GPC5: variants seen among roughly 807,000 people sequenced by gnomAD.
GPC5 encodes glypican 5.
In GPC5, 47 loss-of-function variants were observed where a neutral mutation model predicts 53.9. The observed-to-expected ratio is 0.87, with a 90% CI of 0.69 to 1.11. The LOEUF is 1.11. Among genes scored for constraint, GPC5 ranks in the 50% most tolerant of loss-of-function variants. The pLI, the probability that GPC5 is intolerant of heterozygous loss-of-function variation, is 0.00. For missense variants in GPC5, 748 were observed against 713.1 expected, an observed-to-expected ratio of 1.05 and a Z score of -0.56; for synonymous variants, 286 against 263.3, an observed-to-expected ratio of 1.09 and a Z score of -0.84.
rs113993461 is a variant in GPC5, at chr13:92,249,696, G to A, written c.1561+104707G>A. On this transcript the variant is annotated intron_variant, in intron 7 of 7. Coordinates refer to ENST00000377067, the MANE Select transcript of GPC5 (RefSeq NM_004466.6). ...AGTATATTTGAGTTAGTGGCAGAAT[G>A]TAGACATGAGGGTGAGTAGAGAATG... 6.2e-3 allele frequency among the ~76,000 whole-genome samples: 938 copies of A among 152,188 alleles called. 12 individuals carry two copies. The highest frequency in any genetic ancestry group is 0.01 in the Non-Finnish European group (697 of 68,018).
intron 7 of GPC5, among the ~76,000 whole-genome samples, chr13:92,704,991 G>A (rs1887902409): frequency 1.3e-5 from 2 of 150,854 alleles, no homozygotes; most frequent in East Asian, 2.0e-4. Context: ...TAATGATCTC[G>A]ATGTGTAGGG....
chr13:92,385,435 T>C lies in GPC5; in HGVS notation c.1561+240446T>C, dbSNP rs866612645. On this transcript the variant is annotated intron_variant, in intron 7 of 7. Transcript: ENST00000377067. Reference sequence around the variant, plus strand: ...ACATATATATACATATATACATATATACATATATACATATATACATATATA... The same window carrying C: ...ACATATATATACATATATACATATACACATATATACATATATACATATATA... 1.1e-3 allele frequency among the ~76,000 whole-genome samples: 91 copies of C among 81,610 alleles called. 3 individuals are homozygous for C. Among genetic ancestry groups the C allele is most frequent in the Middle Eastern group, 6.8e-3 (1 of 146 alleles). The allele number at this position is 81,610 out of a possible 152,430, so 53.5% of individuals were successfully genotyped here.
intron 7 of GPC5, among the ~76,000 whole-genome samples, chr13:92,393,649 A>T (rs952615059): frequency 3.9e-5 from 6 of 152,172 alleles, no homozygotes; most frequent in Non-Finnish European, 7.4e-5. Context: ...ACTGTGCATG[A>T]AAGAAAACAA....
chr13:91,566,225 T>C (rs2031520203), intron 2 of GPC5, among the ~76,000 whole-genome samples: 1 of 152,124 alleles, frequency 6.6e-6, no homozygotes, highest in Admixed American at 6.6e-5. Flanking sequence ...GGAAACTATG[T>C]CTAAAATATT....
intron 5 of GPC5, among the ~76,000 whole-genome samples, chr13:91,795,264 A>G (rs2038028571): frequency 6.6e-6 from 1 of 152,214 alleles, no homozygotes; most frequent in Admixed American, 6.5e-5. Flanking sequence ...AAATGTGTAT[A>G]TTGGTTCATA....
Position 92,000,749 on chromosome 13 carries a change from T to G in GPC5, c.1401+92692T>G, listed in dbSNP as rs9589398. ...CTGGCAGGTAGCAGGCATAATAAGC[T>G]GTGGGATTTCTTGGTATTTAGCATG... On this transcript the variant is annotated intron_variant, in intron 6 of 7. Coordinates refer to ENST00000377067, the MANE Select transcript of GPC5 (RefSeq NM_004466.6). 4.1e-3 allele frequency among the ~76,000 whole-genome samples: 628 copies of G among 152,294 alleles called. 7 individuals are homozygous for G. The highest frequency in any genetic ancestry group is 0.014 in the African/African-American group (591 of 41,564).
chr13:92,417,187 C>T (rs9516078), intron 7 of GPC5, among the ~76,000 whole-genome samples: 57,657 of 152,068 alleles, frequency 0.38, 11,269 homozygotes, highest in Non-Finnish European at 0.42. Context: ...AGGCAAAAGA[C>T]CTGAATTTTT....
At chr13:92,753,759 C>A (rs138026569) in intron 7 of GPC5, among the ~76,000 whole-genome samples, 1 of 151,008 alleles carries the variant, frequency 6.6e-6, no homozygotes, top group Non-Finnish European at 1.5e-5. Flanking sequence ...TGAAATGAAG[C>A]GAGAAGGGAA....
chr13:91,752,746 C>T (rs555915054), intron 4 of GPC5, among the ~76,000 whole-genome samples: 1 of 152,280 alleles, frequency 6.6e-6, no homozygotes, highest in South Asian at 2.1e-4. Flanking sequence ...GGTCTCACGT[C>T]ACATGTCCAG....
chr13:91,933,470 A>G (rs1299843314), intron 6 of GPC5, among the ~76,000 whole-genome samples: 3 of 152,010 alleles, frequency 2.0e-5, no homozygotes, highest in African/African-American at 7.2e-5. Context: ...CCATTTTAAC[A>G]CAATATTTAC....
Position 91,415,159 on chromosome 13 carries a change from G to C in GPC5, c.163+15950G>C, listed in dbSNP as rs756046991. Among the ~76,000 whole-genome samples the C allele has an allele frequency of 1.5e-4, 23 of 152,088 alleles. 1 individual carries two copies. Among genetic ancestry groups the C allele is most frequent in the Non-Finnish European group, 3.4e-4 (23 of 68,032 alleles). ...CAATTGAAGGCTCTGACTTCCCTCT[G>C]CTTGGGCCATGTGTCAGTGTTGTGT... On this transcript the variant is annotated intron_variant, in intron 1 of 7. Transcript: ENST00000377067.
rs1409891865 is a variant in GPC5 at position 92,216,116 on chromosome 13, TC to T, written c.1561+71128del. On this transcript the variant is annotated intron_variant, in intron 7 of 7. Coordinates refer to ENST00000377067, the MANE Select transcript of GPC5 (RefSeq NM_004466.6). The stretch of plus-strand genomic sequence containing the variant: ...CATTCCTGAGATACAGACGGGCAGT[TC>T]TTCCAGACCAGTGTAATTTAGCCTA... Among the ~76,000 whole-genome samples the T allele has an allele frequency of 2.6e-5, 4 of 152,306 alleles. No individual in the cohort carries two copies. In the East Asian group the frequency reaches 7.7e-4, roughly 29 times the overall value.
chr13:92,482,851 C>G (rs143669263), intron 7 of GPC5, among the ~76,000 whole-genome samples: 2 of 152,180 alleles, frequency 1.3e-5, no homozygotes, highest in African/African-American at 2.4e-5. Flanking sequence ...GATGGGGATA[C>G]TGTATTAGTC....
At chr13:92,505,668 CA>C (rs780646038) in intron 7 of GPC5, among the ~76,000 whole-genome samples, 20 of 152,056 alleles carry the variant, frequency 1.3e-4, no homozygotes, top group Non-Finnish European at 2.6e-4. Context: ...ATGTTTATAG[CA>C]GTTCTCTTCA....
At chr13:92,841,896 CCT>C (rs1878442529) in intron 7 of GPC5, among the ~76,000 whole-genome samples, 1 of 151,986 alleles carries the variant, frequency 6.6e-6, no homozygotes, top group South Asian at 2.1e-4. Flanking sequence ...TTGACATGTT[CCT>C]CTCTCTCTTC....
chr13:91,855,083 C>T (rs1200755495), intron 5 of GPC5, among the ~76,000 whole-genome samples: 1 of 151,660 alleles, frequency 6.6e-6, no homozygotes, highest in East Asian at 1.9e-4. Context: ...AAAAGATACT[C>T]ATTTGAATTT....
intron 7 of GPC5, among the ~76,000 whole-genome samples, chr13:92,440,213 A>C (rs534227091): frequency 3.3e-4 from 51 of 152,292 alleles, no homozygotes; most frequent in African/African-American, 1.2e-3. Context: ...TGTACTGAGA[A>C]TAGTACCCAA....
At chr13:92,661,336 GAA>G (rs35586990) in intron 7 of GPC5, among the ~76,000 whole-genome samples, 1 of 142,792 alleles carries the variant, frequency 7.0e-6, no homozygotes, top group Non-Finnish European at 1.5e-5. Flanking sequence ...GGAGAAATTT[GAA>G]AAAAAAAAAT....
At chr13:92,518,020 C>T (rs1183303848) in intron 7 of GPC5, among the ~76,000 whole-genome samples, 5 of 152,174 alleles carry the variant, frequency 3.3e-5, no homozygotes, top group Non-Finnish European at 7.3e-5. Flanking sequence ...ACGAGAACTA[C>T]GTGATGAATG....
Sources: allele counts gnomAD v4.1 joint callset (sites outside exome capture counted in the v4.1 genomes callset), GRCh38; gene constraint gnomAD v4.1.1; transcripts MANE v1.5; gene names NCBI Gene and HGNC (gene_info 2026-07-23, HGNC 2026-07-21).